The following TUSC3 variants were observed in gnomAD, a reference collection of about 807,000 sequenced individuals.
TUSC3 encodes the protein dolichyl-diphosphooligosaccharide--protein glycosyltransferase subunit TUSC3.
TUSC3 carries 45 observed loss-of-function variants against 44.8 expected under a neutral mutation model. The ratio of observed to expected loss-of-function variants is 1.00; its 90% CI spans 0.79 to 1.29. The LOEUF (loss-of-function observed/expected upper bound fraction) is 1.29, where lower values mean the gene tolerates loss of function less well. Among genes scored for constraint, TUSC3 ranks in the 50% most tolerant of loss-of-function variants. The probability of loss-of-function intolerance (pLI) is 0.00; values close to 1 mark genes in which losing one functional copy is unlikely to be tolerated. For missense variants in TUSC3, 519 were observed against 437.9 expected, an observed-to-expected ratio of 1.19 and a Z score of -1.65; for synonymous variants, 212 against 152.9, an observed-to-expected ratio of 1.39 and a Z score of -2.85.
chr8:15,516,128 C>T (rs146468393), intron 2 of TUSC3, among the ~76,000 whole-genome samples: 53 of 152,206 alleles, frequency 3.5e-4, no homozygotes, highest in African/African-American at 1.2e-3. Context: ...TTGTTAATGA[C>T]TTTCATGGTT....
intron 1 of TUSC3, among the ~76,000 whole-genome samples, chr8:15,591,959 A>G (rs1803859414): frequency 6.6e-6 from 1 of 152,230 alleles, no homozygotes. Flanking sequence ...GAAGAATGGG[A>G]GAAAACAAGT....
At chr8:15,806,337 A>G in the TUSC3 span, 1,569 of 725,134 alleles carry the variant, frequency 2.2e-3, 7 homozygotes, top group Non-Finnish European at 3.7e-3. Context: ...CTGCTTCTTT[A>G]TGATTTCTTC....
the TUSC3 span, among the ~76,000 whole-genome samples, chr8:15,822,786 G>C: frequency 6.6e-6 from 1 of 152,236 alleles, no homozygotes; most frequent in East Asian, 1.9e-4. Context: ...GCTGCTGATA[G>C]GTCAAGTGAT....
chr8:15,742,720 T>G (rs1811246632), intron 7 of TUSC3, among the ~76,000 whole-genome samples: 1 of 152,246 alleles, frequency 6.6e-6, no homozygotes, highest in African/African-American at 2.4e-5. Context: ...TTGCTTCATT[T>G]TTCTCTTCAA....
chr8:15,484,219 T>C (rs946054859), intron 2 of TUSC3, among the ~76,000 whole-genome samples: 4 of 152,220 alleles, frequency 2.6e-5, no homozygotes, highest in Admixed American at 2.6e-4. Flanking sequence ...CAACCATAAA[T>C]TTGCTAATTG....
chr8:15,777,109 CAAA>C, the TUSC3 span, among the ~76,000 whole-genome samples: 3 of 152,072 alleles, frequency 2.0e-5, no homozygotes, highest in Non-Finnish European at 4.4e-5. Context: ...GAACAGGAAA[CAAA>C]GAAGACTTTT....
At chr8:15,618,208 C>G (rs1306641351) in intron 1 of TUSC3, among the ~76,000 whole-genome samples, 1 of 152,110 alleles carries the variant, frequency 6.6e-6, no homozygotes, top group Non-Finnish European at 1.5e-5. Flanking sequence ...ACTGTAGACT[C>G]TATAAACACT....
At chr8:15,568,347 G>A (rs1326454933) in intron 1 of TUSC3, among the ~76,000 whole-genome samples, 1 of 152,072 alleles carries the variant, frequency 6.6e-6, no homozygotes. Context: ...TATAAAAATT[G>A]TTGCCCTCAG....
At chr8:15,556,142 G>A (rs1190802768) in intron 1 of TUSC3, among the ~76,000 whole-genome samples, 3 of 144,164 alleles carry the variant, frequency 2.1e-5, no homozygotes, top group Non-Finnish European at 3.1e-5. Flanking sequence ...ATCTCCCAGT[G>A]CTATCCCTCC....
chr8:15,509,652 G>A (rs1435607391), intron 2 of TUSC3, among the ~76,000 whole-genome samples: 1 of 151,982 alleles, frequency 6.6e-6, no homozygotes, highest in Admixed American at 6.6e-5. Context: ...ATTGGATTAA[G>A]TATTAGCGTG....
At chr8:15,671,929 C>T (rs1459988753) in intron 5 of TUSC3, among the ~76,000 whole-genome samples, 1 of 151,934 alleles carries the variant, frequency 6.6e-6, no homozygotes, top group Non-Finnish European at 1.5e-5. Context: ...TCTTACATCT[C>T]TAGAGTCCAG....
chr8:15,842,783 G>A, the TUSC3 span, among the ~76,000 whole-genome samples: 6 of 152,156 alleles, frequency 3.9e-5, no homozygotes, highest in Admixed American at 3.9e-4. Flanking sequence ...TTTGAAACAT[G>A]AACACGTGGC....
chr8:15,486,307 C>G (rs746440880), intron 2 of TUSC3, among the ~76,000 whole-genome samples: 1 of 152,126 alleles, frequency 6.6e-6, no homozygotes, highest in South Asian at 2.1e-4. Context: ...GCATGGTTTT[C>G]AGGGATAAGT....
chr8:15,449,765 C>T (rs115614893), intron 1 of TUSC3, among the ~76,000 whole-genome samples: 1 of 152,148 alleles, frequency 6.6e-6, no homozygotes, highest in Non-Finnish European at 1.5e-5. Flanking sequence ...CTGACTTAGG[C>T]AGAGCAGCTT....
intron 1 of TUSC3, among the ~76,000 whole-genome samples, chr8:15,600,675 A>G (rs953351412): frequency 4.0e-5 from 6 of 151,672 alleles, no homozygotes; most frequent in African/African-American, 1.2e-4. Flanking sequence ...GATACAAAGT[A>G]TGAGGTACTG....
the TUSC3 span, among the ~76,000 whole-genome samples, chr8:15,772,862 A>G: frequency 6.6e-6 from 1 of 151,232 alleles, no homozygotes; most frequent in Middle Eastern, 3.2e-3. Context: ...AAAGAAAATC[A>G]GTGTAACACA....
chr8:15,571,366 G>A (rs1039897057), intron 1 of TUSC3, among the ~76,000 whole-genome samples: 4 of 152,106 alleles, frequency 2.6e-5, no homozygotes, highest in African/African-American at 9.7e-5. Flanking sequence ...TTACAATAAA[G>A]AGTTAGCAAG....
At chr8:15,582,497 A>C (rs376684624) in intron 1 of TUSC3, among the ~76,000 whole-genome samples, 3 of 152,370 alleles carry the variant, frequency 2.0e-5, no homozygotes, top group Admixed American at 6.5e-5. Context: ...AGTTTCTAAA[A>C]ATTTATGTTT....
At chr8:15,789,769 T>A in the TUSC3 span, among the ~76,000 whole-genome samples, 9 of 152,246 alleles carry the variant, frequency 5.9e-5, no homozygotes, top group East Asian at 1.4e-3. Context: ...AGGACAGATA[T>A]AGACCCTGCT....
Sources: allele counts gnomAD v4.1 joint callset (sites outside exome capture counted in the v4.1 genomes callset), GRCh38; gene constraint gnomAD v4.1.1; transcripts MANE v1.5; gene names NCBI Gene and HGNC (gene_info 2026-07-23, HGNC 2026-07-21).